Variants in LNX1 observed in about 807,000 individuals in gnomAD.
LNX1 encodes the protein ligand of numb-protein X 1, also known as E3 ubiquitin-protein ligase LNX.
A neutral mutation model predicts 68.4 loss-of-function variants in LNX1; 54 were observed. That is an observed-to-expected ratio of 0.79 (90% CI 0.63 to 0.99). The LOEUF is 0.99. LNX1 is among the 50% of genes least tolerant of loss of function. LNX1 has a pLI of 0.00. For synonymous variants in LNX1, 336 were observed against 350.0 expected (o/e 0.96, Z 0.45); for missense variants, 906 against 926.4 (o/e 0.98, Z 0.29).
At chr4:53,562,803 A>C (rs1397131609) in intron 2 of LNX1, among the ~76,000 whole-genome samples, 2 of 152,252 alleles carry the variant, frequency 1.3e-5, no homozygotes, top group African/African-American at 4.8e-5. Context: ...AATGGTACAT[A>C]TATGAGGTAA....
At chr4:53,576,255 G>A in intron 1 of LNX1, 3 of 1,610,588 alleles carry the variant, frequency 1.9e-6, no homozygotes, top group Non-Finnish European at 2.5e-6. Flanking sequence ...TGCAGCTGAA[G>A]CTTTCAGATG....
At chr4:53,619,182 G>A (rs1443878030), upstream of LNX1, among the ~76,000 whole-genome samples, 1 of 152,090 alleles carries the variant, frequency 6.6e-6, no homozygotes, top group Admixed American at 6.6e-5. Context: ...TTTTTACATT[G>A]AGATATAATT....
chr4:53,530,757 T>C (rs10517301), intron 2 of LNX1, among the ~76,000 whole-genome samples: 11,278 of 152,270 alleles, frequency 0.074, 760 homozygotes, highest in African/African-American at 0.18. Context: ...GACAAGACTA[T>C]GCAGCCAGTT....
intron 2 of LNX1, among the ~76,000 whole-genome samples, chr4:53,600,174 G>A (rs753513635): frequency 2.6e-5 from 4 of 152,124 alleles, no homozygotes; most frequent in East Asian, 1.9e-4. Context: ...AATCCTCCAC[G>A]CACTTGCTGT....
Position 53,481,801 on chromosome 4 carries a change from G to A in LNX1, c.1404C>T (p.Ser468=), listed in dbSNP as rs774499743. ...LVVSRQVRQR[S]PDIFQEAGWN... ...AGCCGGCTTCCTGAAAGATGTCAGG[G>A]CTCCGCTGCCGAACCTGGCGGGACA... The change falls in exon 7 of 11, where the codon AGC becomes AGT. Residue 468 remains serine (S), a synonymous_variant. Coordinates refer to ENST00000263925, the MANE Select transcript of LNX1 (RefSeq NM_001126328.3). 1.2e-6 allele frequency: 2 copies of A among 1,613,234 alleles called. No homozygotes were observed. The highest frequency in any genetic ancestry group is 1.7e-6 in the Non-Finnish European group (2 of 1,179,618).
In LNX1 at chr4:53,476,805, C is replaced by A; in HGVS notation, c.1840G>T (p.Ala614Ser). The part of the protein sequence containing the change: ...PAALDSNHNM[A>S]PPSDWSPSWV... ...GATGGGGACCAGTCACTGGGTGGGGCCATGTTGTGGTTGGAGTCCAGGGCT... is the reference window on the plus strand; with the variant it reads ...GATGGGGACCAGTCACTGGGTGGGGACATGTTGTGGTTGGAGTCCAGGGCT... The change falls in exon 9 of 11, where the codon GCC (alanine) becomes TCC (serine). Residue 614 changes from alanine (A) to serine (S), a missense_variant. By Grantham distance (99) the Ala-to-Ser change is moderately conservative (BLOSUM62 1). Coordinates refer to ENST00000263925, the MANE Select transcript of LNX1 (RefSeq NM_001126328.3). 1 of 1,614,108 alleles carries A rather than the reference C, an allele frequency of 6.2e-7. No homozygotes were observed. Among genetic ancestry groups the A allele is most frequent in the Admixed American group, 1.7e-5 (1 of 60,012 alleles).
intron 2 of LNX1, among the ~76,000 whole-genome samples, chr4:53,511,304 G>A (rs570166413): frequency 1.3e-5 from 2 of 152,206 alleles, no homozygotes; most frequent in East Asian, 3.8e-4. Context: ...GGGGCAGCTT[G>A]ATTTACAAGC....
At chr4:53,515,986 C>A (rs1726750446) in intron 2 of LNX1, among the ~76,000 whole-genome samples, 1 of 152,180 alleles carries the variant, frequency 6.6e-6, no homozygotes, top group Non-Finnish European at 1.5e-5. Flanking sequence ...TGTGGTGGCT[C>A]ATGCTTATAA....
At chr4:53,471,858 G>C (rs1723210741) in intron 9 of LNX1, among the ~76,000 whole-genome samples, 1 of 152,180 alleles carries the variant, frequency 6.6e-6, no homozygotes, top group East Asian at 1.9e-4. Flanking sequence ...AGAGGATGTG[G>C]AGAAATAGAA....
chr4:53,461,331 C>T, intron 10 of LNX1, 104 bp downstream of exon 10: 1 of 943,848 alleles, frequency 1.1e-6, no homozygotes, highest in Non-Finnish European at 1.6e-6. Flanking sequence ...CTTTTAATCC[C>T]CACAAAGTAT....
chr4:53,464,408 T>C (rs1186865140), intron 9 of LNX1, among the ~76,000 whole-genome samples: 1 of 152,146 alleles, frequency 6.6e-6, no homozygotes, highest in African/African-American at 2.4e-5. Flanking sequence ...AAAAAATGAA[T>C]TTCTAGAAAA....
At chr4:53,461,180 G>A in intron 10 of LNX1, 138 bp from the exon 11 acceptor site, 2 of 765,066 alleles carry the variant, frequency 2.6e-6, no homozygotes, top group South Asian at 2.1e-5. Flanking sequence ...GATATTTCTT[G>A]CCTCTTATTT....
intron 2 of LNX1, among the ~76,000 whole-genome samples, chr4:53,597,029 C>T (rs1732784380): frequency 6.6e-6 from 1 of 152,138 alleles, no homozygotes; most frequent in African/African-American, 2.4e-5. Flanking sequence ...AATATCTGTT[C>T]CTTACTAGTT....
intron 9 of LNX1, among the ~76,000 whole-genome samples, chr4:53,472,139 A>G (rs943683133): frequency 3.9e-5 from 6 of 152,372 alleles, no homozygotes; most frequent in African/African-American, 1.2e-4. Context: ...CATATACACC[A>G]TGGAATACTA....
At chr4:53,547,363 A>G (rs943022261) in intron 2 of LNX1, among the ~76,000 whole-genome samples, 2 of 152,208 alleles carry the variant, frequency 1.3e-5, no homozygotes, top group Non-Finnish European at 2.9e-5. Flanking sequence ...ATCTCACAAC[A>G]GCCTGTGAGG....
chr4:53,574,084 C>T lies in LNX1; in HGVS notation c.-82G>A, dbSNP rs1731339050. On this transcript the variant is annotated 5_prime_UTR_variant, in exon 2 of 11. It adds an upstream start codon to the 5' untranslated region. Transcript: ENST00000263925. Reference sequence around the variant, plus strand: ...CAAGTCAAGATCTAGGAGACATCCACACACCTAAAAAAGAACAAGAAGGCT... The same window carrying T: ...CAAGTCAAGATCTAGGAGACATCCATACACCTAAAAAAGAACAAGAAGGCT... 8 of 1,509,220 alleles carry T rather than the reference C, an allele frequency of 5.3e-6. No individual in the cohort carries two copies. The highest frequency in any genetic ancestry group is 2.8e-5 in the South Asian group (2 of 72,192). 93.5% of individuals were successfully genotyped at this position (1,509,220 alleles called of 1,614,324 possible).
chr4:53,552,751 C>A (rs1269185536), intron 2 of LNX1, among the ~76,000 whole-genome samples: 1 of 151,460 alleles, frequency 6.6e-6, no homozygotes, highest in African/African-American at 2.4e-5. Context: ...ATTGCTTGAA[C>A]CCGGGAGATG....
intron 1 of LNX1, among the ~76,000 whole-genome samples, chr4:53,651,146 C>T (rs370659059): frequency 5.9e-5 from 9 of 152,208 alleles, no homozygotes; most frequent in African/African-American, 1.4e-4. Context: ...CCTCTCCCCT[C>T]GGCTCTGCCA....
At position 53,460,545 on chromosome 4, in the gene LNX1, T is replaced by C. The variant is rs1329531666; in HGVS notation, c.*362A>G. 4.7e-6 allele frequency: 1 copy of C among 215,050 alleles called. No individual in the cohort carries two copies. The allele number at this position is 215,050 out of a possible 1,614,324, so 13.3% of individuals were successfully genotyped here. A position where few individuals can be genotyped will look rare whatever the true frequency, so the allele number is the denominator to read the frequency against. ...AAATATTTTAGCTGTAAATTAAAAA[T>C]GGCCATAATGTACCCTTGGCAGACT... On this transcript the variant is annotated 3_prime_UTR_variant, in exon 11 of 11. Coordinates refer to ENST00000263925, the MANE Select transcript of LNX1 (RefSeq NM_001126328.3).
Sources: gnomAD v4.1 joint callset for allele counts (sites outside exome capture counted in the v4.1 genomes callset) on GRCh38, gnomAD v4.1.1 for gene constraint, MANE v1.5 for transcripts, NCBI Gene and HGNC (gene_info 2026-07-23, HGNC 2026-07-21) for gene names.